The following PARD3 variants were observed in gnomAD, a reference collection of about 807,000 sequenced individuals.
PARD3 encodes par-3 family cell polarity regulator.
PARD3 carries 75 observed loss-of-function variants against 155.4 expected under a neutral mutation model. That is an observed-to-expected ratio of 0.48 (90% CI 0.40 to 0.58). PARD3 has a LOEUF of 0.58. Among genes scored for constraint, PARD3 ranks in the 20% least tolerant of loss-of-function variants. The pLI, the probability that PARD3 is intolerant of heterozygous loss-of-function variation, is 0.00. For missense variants in PARD3, 1,642 were observed against 1,721.7 expected (o/e 0.95, Z 0.82); for synonymous variants, 576 against 610.5 (o/e 0.94, Z 0.83).
At chr10:34,315,139 T>TA (rs1487776211) in intron 20 of PARD3, among the ~76,000 whole-genome samples, 1 of 152,200 alleles carries the variant, frequency 6.6e-6, no homozygotes, top group Non-Finnish European at 1.5e-5. Context: ...TGGCTTTCAT[T>TA]ATAGGTTATG....
intron 16 of PARD3, 141 bp from the exon 17 acceptor site, chr10:34,337,567 A>T (rs1375314914): frequency 1.2e-5 from 5 of 403,528 alleles, no homozygotes; most frequent in African/African-American, 2.1e-5. Context: ...ATACAAATAC[A>T]GTCCATTAAA....
chr10:34,643,052 C>A (rs75346942), intron 2 of PARD3, among the ~76,000 whole-genome samples: 2,600 of 152,308 alleles, frequency 0.017, 70 homozygotes, highest in African/African-American at 0.059. Context: ...CCTGTGGACT[C>A]CGTCACACTG....
intron 1 of PARD3, among the ~76,000 whole-genome samples, chr10:34,813,033 C>A (rs140680741): frequency 1.3e-5 from 2 of 152,182 alleles, no homozygotes; most frequent in Non-Finnish European, 2.9e-5. Flanking sequence ...CAGCTTCTCA[C>A]AGCCAGTGGG....
rs141339625 is a variant in PARD3 at position 34,729,818 on chromosome 10, T to C, written c.121-33399A>G. Among the ~76,000 whole-genome samples the C allele has an allele frequency of 3.1e-4, 47 of 152,248 alleles. No homozygotes were observed. The East Asian group carries it at 7.7e-3, about 25-fold the overall frequency. On this transcript the variant is annotated intron_variant, in intron 1 of 24. Coordinates refer to ENST00000374788, the MANE Select transcript of PARD3 (RefSeq NM_001184785.2). ...TCTGACCATGGTCCAAGGAGTTCCT[T>C]GTACTTCACTCCTGGCTGTTGTGTA...
chr10:34,660,900 AT>A (rs1375566546), intron 2 of PARD3, among the ~76,000 whole-genome samples: 5 of 152,040 alleles, frequency 3.3e-5, no homozygotes, highest in Non-Finnish European at 4.4e-5. Context: ...AATTTTTTAA[AT>A]TTTTTTTGGT....
chr10:34,775,085 C>T (rs145047691), intron 1 of PARD3, among the ~76,000 whole-genome samples: 1 of 152,276 alleles, frequency 6.6e-6, no homozygotes, highest in Non-Finnish European at 1.5e-5. Context: ...TTTAAAGTCA[C>T]AAATCCTTTC....
chr10:34,261,388 T>C (rs1320457428), intron 22 of PARD3, among the ~76,000 whole-genome samples: 1 of 152,092 alleles, frequency 6.6e-6, no homozygotes, highest in Non-Finnish European at 1.5e-5. Flanking sequence ...CTTTCTGGTG[T>C]CAAGAAACAC....
At chr10:34,231,219 TA>T (rs1320770027) in intron 22 of PARD3, among the ~76,000 whole-genome samples, 23 of 147,240 alleles carry the variant, frequency 1.6e-4, no homozygotes, top group African/African-American at 3.5e-4. Context: ...ATACATGAGA[TA>T]TTTTTTCCTT....
chr10:34,636,916 G>A (rs778538308), intron 2 of PARD3, among the ~76,000 whole-genome samples: 1 of 152,202 alleles, frequency 6.6e-6, no homozygotes, highest in Non-Finnish European at 1.5e-5. Context: ...AAACCTTTTA[G>A]GCAAATGCCT....
At chr10:34,477,810 G>A (rs1328083547) in intron 3 of PARD3, among the ~76,000 whole-genome samples, 1 of 152,172 alleles carries the variant, frequency 6.6e-6, no homozygotes, top group Non-Finnish European at 1.5e-5. Context: ...AGTTACATGT[G>A]TGCTTTTAGA....
chr10:34,544,595 G>C (rs2083898494), intron 2 of PARD3, among the ~76,000 whole-genome samples: 1 of 152,296 alleles, frequency 6.6e-6, no homozygotes, highest in Non-Finnish European at 1.5e-5. Context: ...GGAACTGTTA[G>C]AAATGTAAAT....
Position 34,542,234 on chromosome 10 carries a change from T to TGCGC in PARD3, c.223-25076_223-25075insGCGC, listed in dbSNP as rs1554889664. Among the ~76,000 whole-genome samples, 29 of 146,300 alleles carry TGCGC rather than the reference T, an allele frequency of 2.0e-4. 2 individuals carry two copies. The highest frequency in any genetic ancestry group is 6.3e-4 in the African/African-American group (25 of 39,420). ...GTGTGTGTGTGTGTGTGTGTGTGTG[T>TGCGC]GTGTGCACACACACACACGCTTGCA... On this transcript the variant is annotated intron_variant, in intron 2 of 24. Coordinates refer to ENST00000374788, the MANE Select transcript of PARD3 (RefSeq NM_001184785.2).
chr10:34,132,859 C>T (rs1947685541), intron 22 of PARD3, among the ~76,000 whole-genome samples: 1 of 152,114 alleles, frequency 6.6e-6, no homozygotes, highest in Non-Finnish European at 1.5e-5. Context: ...GCTCCATGAA[C>T]AGACAAACAG....
chr10:34,192,335 A>G (rs1237403456), intron 22 of PARD3, among the ~76,000 whole-genome samples: 1 of 151,994 alleles, frequency 6.6e-6, no homozygotes, highest in Non-Finnish European at 1.5e-5. Flanking sequence ...TGGGTTCAAG[A>G]GACCCTCCCA....
At chr10:34,223,507 G>C (rs1467025933) in intron 22 of PARD3, among the ~76,000 whole-genome samples, 1 of 152,130 alleles carries the variant, frequency 6.6e-6, no homozygotes, top group Non-Finnish European at 1.5e-5. Context: ...CCCATCTCAG[G>C]AGACTGCTTA....
At chr10:34,424,932 C>T (rs2075515609) in intron 5 of PARD3, among the ~76,000 whole-genome samples, 1 of 152,194 alleles carries the variant, frequency 6.6e-6, no homozygotes, top group Admixed American at 6.5e-5. Flanking sequence ...GAAGATTCCT[C>T]TATTTCTCTT....
chr10:34,417,099 A>C (rs2265784), intron 5 of PARD3, among the ~76,000 whole-genome samples: 77,851 of 152,042 alleles, frequency 0.51, 23,591 homozygotes, highest in African/African-American at 0.86. Flanking sequence ...CAGTAGCACC[A>C]ATTCCCCAGC....
chr10:34,523,866 G>A (rs2082306119), intron 2 of PARD3, among the ~76,000 whole-genome samples: 1 of 152,046 alleles, frequency 6.6e-6, no homozygotes, highest in Admixed American at 6.5e-5. Context: ...CGTCTCCATA[G>A]TTTATAAATT....
chr10:34,336,348 T>C (rs1836187871), intron 17 of PARD3, 105 bp from the exon 18 acceptor site: 5 of 773,364 alleles, frequency 6.5e-6, no homozygotes, highest in South Asian at 1.6e-5. Flanking sequence ...CCTCAGCTAA[T>C]ATTTCATGCA....
Sources: allele counts gnomAD v4.1 joint callset (sites outside exome capture counted in the v4.1 genomes callset), GRCh38; gene constraint gnomAD v4.1.1; transcripts MANE v1.5; gene names NCBI Gene and HGNC (gene_info 2026-07-23, HGNC 2026-07-21).